Variants in STKLD1 observed in about 807,000 individuals in gnomAD.
The protein encoded by STKLD1 is serine/threonine kinase like domain containing 1.
A neutral mutation model predicts 80.4 loss-of-function variants in STKLD1; 79 were observed. That is an observed-to-expected ratio of 0.98 (90% confidence interval 0.82 to 1.19). The LOEUF is 1.19. STKLD1 is among the 50% of genes most tolerant of loss of function. STKLD1 has a pLI of 0.00. For synonymous variants in STKLD1, 393 were observed against 357.6 expected (o/e 1.10, Z -1.12); for missense variants, 841 against 856.0 (o/e 0.98, Z 0.22).
intron 8 of STKLD1, among the ~76,000 whole-genome samples, chr9:133,395,051 A>G (rs1554776513): frequency 4.6e-5 from 7 of 152,172 alleles, no homozygotes; most frequent in Non-Finnish European, 1.5e-5. Flanking sequence ...TGCCATGCCC[A>G]AAACAAGGAA....
At chr9:133,382,359 T>C (rs1362574033) in intron 2 of STKLD1, among the ~76,000 whole-genome samples, 2 of 152,218 alleles carry the variant, frequency 1.3e-5, no homozygotes, top group Non-Finnish European at 2.9e-5. Flanking sequence ...CTCTAAGTAT[T>C]TTTAGATCTC....
chr9:133,394,240 T>G lies in STKLD1; in HGVS notation c.584-51T>G. ...GGGCAGGGTGACTCTGTCAAGCCCCTGCCCCCAGGGAGCAAAGGACTCAGG... is the reference window on the plus strand; with the variant it reads ...GGGCAGGGTGACTCTGTCAAGCCCCGGCCCCCAGGGAGCAAAGGACTCAGG... On this transcript the variant is annotated intron_variant, in intron 7 of 17. Coordinates refer to ENST00000371957, the MANE Select transcript of STKLD1 (RefSeq NM_153710.5). This position sits in a 1 kb window ranked among gnomAD's most constrained non-coding sequence, Gnocchi z 4.9. The G allele has an allele frequency of 7.7e-7, 1 of 1,303,668 alleles. No individual in the cohort carries two copies. Among genetic ancestry groups the G allele is most frequent in the Non-Finnish European group, 1.1e-6 (1 of 897,338 alleles). 80.8% of individuals were successfully genotyped at this position (1,303,668 alleles called of 1,614,324 possible).
intron 16 of STKLD1, 54 bp from the exon 17 acceptor site, chr9:133,404,735 C>T: frequency 1.3e-6 from 2 of 1,596,096 alleles, no homozygotes; most frequent in South Asian, 2.2e-5. Context: ...GGGCAGAAGG[C>T]TCTTCCCTTT....
intron 13 of STKLD1, among the ~76,000 whole-genome samples, chr9:133,402,583 G>C (rs1838736211): frequency 6.6e-6 from 1 of 152,260 alleles, no homozygotes; most frequent in South Asian, 2.1e-4. Context: ...GCACAGGCTG[G>C]CTCTGTGAGC....
intron 1 of STKLD1, among the ~76,000 whole-genome samples, chr9:133,377,472 C>T (rs2130254404): frequency 1.3e-5 from 2 of 152,284 alleles, no homozygotes; most frequent in Non-Finnish European, 2.9e-5. Context: ...TCAAGACCAG[C>T]CTGACCAACA....
intron 10 of STKLD1, among the ~76,000 whole-genome samples, chr9:133,397,556 C>T (rs782437178): frequency 2.0e-5 from 3 of 152,138 alleles, no homozygotes; most frequent in Non-Finnish European, 2.9e-5. Context: ...GTTTTCCCTC[C>T]GCTCCTGCTA....
intron 7 of STKLD1, among the ~76,000 whole-genome samples, chr9:133,393,566 T>C (rs1838477743): frequency 7.2e-6 from 1 of 138,874 alleles, no homozygotes; most frequent in African/African-American, 2.8e-5. Context: ...TGTGGGTAGA[T>C]GGGTGGGTAT....
Position 133,389,365 on chromosome 9 carries a change from C to T in STKLD1, c.397-161C>T, listed in dbSNP as rs2130283922. On this transcript the variant is annotated intron_variant, in intron 5 of 17. Transcript: ENST00000371957. This position sits in a 1 kb window ranked among gnomAD's most constrained non-coding sequence, Gnocchi z 6.4. ...GGCTTTACCATCTGGAGAGCCACCA[C>T]GCTGAAGCCTCCTCCACCCTGAGCG... 0.11 allele frequency: 104,592 copies of T among 985,312 alleles called. 6,189 individuals carry two copies. The highest frequency in any genetic ancestry group is 0.12 in the Non-Finnish European group (98,314 of 829,874). The allele number at this position is 985,312 out of a possible 1,614,324, so 61.0% of individuals were successfully genotyped here.
chr9:133,397,425 AG>A (rs1417783746), intron 10 of STKLD1, 131 bp downstream of exon 10: 28 of 1,231,954 alleles, frequency 2.3e-5, no homozygotes, highest in Non-Finnish European at 2.8e-5. Context: ...ACCAGTGGGT[AG>A]GAACAGTTTC....
At position 133,384,424 on chromosome 9, in the gene STKLD1, A is replaced by G. The variant is rs1167065076; in HGVS notation, c.219+524A>G. Reference sequence around the variant, plus strand: ...ACCATTGCATTCCACCCTGGGTGACAGAGCAAAACTTTGTCTCAAAAATAA... The same window carrying G: ...ACCATTGCATTCCACCCTGGGTGACGGAGCAAAACTTTGTCTCAAAAATAA... On this transcript the variant is annotated intron_variant, in intron 3 of 17. Transcript: ENST00000371957. The surrounding 1 kb of genome is among the most constrained non-coding windows in gnomAD (Gnocchi z 4.3). The G allele has an allele frequency of 6.5e-6, 1 of 152,806 alleles. No individual in the cohort carries two copies. Among genetic ancestry groups the G allele is most frequent in the Non-Finnish European group, 1.5e-5 (1 of 68,442 alleles). The allele number at this position is 152,806 out of a possible 1,614,324, so 9.5% of individuals were successfully genotyped here.
rs912822382 is a variant in STKLD1 at position 133,397,455 on chromosome 9, C to T, written c.997+161C>T. Among the ~76,000 whole-genome samples, 17 of 152,192 alleles carry T rather than the reference C, an allele frequency of 1.1e-4. 1 individual carries two copies. The highest frequency in any genetic ancestry group is 1.1e-3 in the Admixed American group (17 of 15,286). ...CAGTTTCCCTCCATCCATCCCTACACACTGCCCAGGACACCGCTCTGCTCA... is the reference window on the plus strand; with the variant it reads ...CAGTTTCCCTCCATCCATCCCTACATACTGCCCAGGACACCGCTCTGCTCA... On this transcript the variant is annotated intron_variant, in intron 10 of 17. Transcript: ENST00000371957.
chr9:133,397,062 C>T (rs1008373284), intron 9 of STKLD1, 102 bp from the exon 10 acceptor site: 21 of 1,530,592 alleles, frequency 1.4e-5, no homozygotes, highest in Non-Finnish European at 1.8e-5. Context: ...GTCCAGTGTC[C>T]GCACCAATGG....
At chr9:133,399,991 T>G (rs1838657034) in intron 11 of STKLD1, among the ~76,000 whole-genome samples, 2 of 152,058 alleles carry the variant, frequency 1.3e-5, no homozygotes, top group Non-Finnish European at 2.9e-5. Flanking sequence ...GCCTGGCCAC[T>G]GCCCCTCACC....
Position 133,390,478 on chromosome 9 carries a change from A to G in STKLD1, c.468-203A>G, listed in dbSNP as rs1838365334. Reference sequence around the variant, plus strand: ...AAAATAATTGAGTATATTTCTGTACATAGGAAACAACTGCTTAAAAAGTAG... The same window carrying G: ...AAAATAATTGAGTATATTTCTGTACGTAGGAAACAACTGCTTAAAAAGTAG... On this transcript the variant is annotated intron_variant, in intron 6 of 17. Transcript: ENST00000371957. This position sits in a 1 kb window ranked among gnomAD's most constrained non-coding sequence, Gnocchi z 5.1. Among the ~76,000 whole-genome samples, 4 of 152,192 alleles carry G rather than the reference A, an allele frequency of 2.6e-5. No individual in the cohort carries two copies. The South Asian group carries it at 8.3e-4, about 31-fold the overall frequency.
rs2130250703 is a variant in STKLD1 at position 133,376,708 on chromosome 9, G to C, written c.87+148G>C. On this transcript the variant is annotated intron_variant, in intron 1 of 17. Transcript: ENST00000371957. ...GCAGCTCCTAGGTTGAACCCGGGGGGCCTCCAACGGTGACCTCCTGGGTGC... is the reference window on the plus strand; with the variant it reads ...GCAGCTCCTAGGTTGAACCCGGGGGCCCTCCAACGGTGACCTCCTGGGTGC... 34 of 646,806 alleles carry C rather than the reference G, an allele frequency of 5.3e-5. No homozygotes were observed. The African/African-American group carries it at 6.4e-4, about 12-fold the overall frequency. The allele number at this position is 646,806 out of a possible 1,614,324, so 40.1% of individuals were successfully genotyped here.
chr9:133,396,582 C>T (rs1318397341), intron 9 of STKLD1, among the ~76,000 whole-genome samples: 13 of 151,910 alleles, frequency 8.6e-5, no homozygotes, highest in African/African-American at 2.7e-4. Flanking sequence ...AGCGAAACCC[C>T]GTCTCTACTA....
rs782176295 is a variant in STKLD1, at chr9:133,401,780, C to G, written c.1241C>G (p.Ala414Gly). 1 of 1,613,600 alleles carries G rather than the reference C, an allele frequency of 6.2e-7. No homozygotes were observed. Among genetic ancestry groups the G allele is most frequent in the Non-Finnish European group, 8.5e-7 (1 of 1,179,998 alleles). The change falls in exon 13 of 18, where the codon GCC becomes GGC. Residue 414 changes from alanine to glycine, a missense_variant. Ala to Gly is a moderately conservative substitution (Grantham distance 60). Transcript: ENST00000371957. ...GAAGCCAAGGCTCCCTGCAACCAAG[C>G]CATCACCTCCACCCTGCTGAGTGCT... Reference protein sequence around the residue: ...HPEAKAPCNQAITSTLLSALQ... With the variant: ...HPEAKAPCNQGITSTLLSALQ...
At chr9:133,404,578 T>A (rs961762589) in intron 16 of STKLD1, among the ~76,000 whole-genome samples, 1 of 152,154 alleles carries the variant, frequency 6.6e-6, no homozygotes, top group East Asian at 1.9e-4. Context: ...CCCCTTTGGC[T>A]CTGGGGGGGC....
At chr9:133,402,480 C>T (rs138416299) in intron 13 of STKLD1, among the ~76,000 whole-genome samples, 11 of 152,190 alleles carry the variant, frequency 7.2e-5, no homozygotes, top group Non-Finnish European at 1.3e-4. Flanking sequence ...TGAAAGGAGG[C>T]ACTAGGAATA....
Sources: allele counts gnomAD v4.1 joint callset (sites outside exome capture counted in the v4.1 genomes callset), GRCh38; gene constraint gnomAD v4.1.1; non-coding constraint Gnocchi (gnomAD v3.1); transcripts MANE v1.5; gene names NCBI Gene and HGNC (gene_info 2026-07-23, HGNC 2026-07-21).